The following KDM6B variants were observed in gnomAD, a reference collection of about 807,000 sequenced individuals.
KDM6B encodes lysine-specific demethylase 6B.
A neutral mutation model predicts 150.4 loss-of-function variants in KDM6B; 22 were observed. The ratio of observed to expected loss-of-function variants is 0.15; its 90% CI spans 0.10 to 0.21. The LOEUF (loss-of-function observed/expected upper bound fraction) is 0.21. Among genes scored for constraint, KDM6B ranks in the 10% least tolerant of loss-of-function variants. The pLI is 1.00. For synonymous variants in KDM6B, 1,148 were observed against 921.1 expected (o/e 1.25, Z -4.46); for missense variants, 1,984 against 2,234.3 (o/e 0.89, Z 2.26).
chr17:7,848,509 G>A lies in KDM6B; in HGVS notation c.2221G>A (p.Ala741Thr). The A allele has an allele frequency of 1.2e-6, 2 of 1,607,792 alleles. No individual in the cohort carries two copies. The highest frequency in any genetic ancestry group is 8.5e-7 in the Non-Finnish European group (1 of 1,179,038). The change falls in exon 12 of 24, where the codon GCC (alanine) becomes ACC (threonine). Residue 741 changes from alanine to threonine, a missense_variant. Around this residue, in one of 13 missense-constraint regions of KDM6B, gnomAD observed 1,379 missense variants for 1,275.6 expected, o/e 1.08. Coordinates refer to ENST00000448097, the MANE Select transcript of KDM6B (RefSeq NM_001348716.2). ...SLQSPFPTDT[A>T]PTTTAPAVAV... ...GCAGTCTCCTTTCCCCACCGACACA[G>A]CCCCCACCACTACTGCTCCTGCTGT...
intron 2 of KDM6B, among the ~76,000 whole-genome samples, chr17:7,842,312 A>C (rs762860528): frequency 6.6e-6 from 1 of 151,882 alleles, no homozygotes; most frequent in East Asian, 1.9e-4. Context: ...CCGGATGGAG[A>C]GGGTGTGGCC....
At chr17:7,837,275 T>G (rs1352395833) in intron 1 of KDM6B, among the ~76,000 whole-genome samples, 1 of 150,358 alleles carries the variant, frequency 6.7e-6, no homozygotes, top group Admixed American at 6.8e-5. Context: ...GACGGAAGAG[T>G]TGTGTGTAGT....
Position 7,854,789 on chromosome 17 carries a change from A to C in KDM6B, c.*1268A>C. On this transcript the variant is annotated 3_prime_UTR_variant, in exon 24 of 24. Transcript: ENST00000448097. Reference sequence around the variant, plus strand: ...ATATTAATATTAAAAATAAACGGAGAAAAAAAATCCTGTTTCGCTAACGGC... The same window carrying C: ...ATATTAATATTAAAAATAAACGGAGCAAAAAAATCCTGTTTCGCTAACGGC... 1 of 401,144 alleles carries C rather than the reference A, an allele frequency of 2.5e-6. No individual in the cohort carries two copies. The allele number at this position is 401,144 out of a possible 1,614,324, so 24.8% of individuals were successfully genotyped here.
At chr17:7,850,304 T>C in intron 14 of KDM6B, 127 bp downstream of exon 14, 1 of 736,462 alleles carries the variant, frequency 1.4e-6, no homozygotes, top group East Asian at 2.7e-5. Flanking sequence ...GTGATGGGTC[T>C]GCTGGCCTTG....
At chr17:7,840,857 T>G (rs1400217336) in intron 2 of KDM6B, among the ~76,000 whole-genome samples, 1 of 152,222 alleles carries the variant, frequency 6.6e-6, no homozygotes, top group Non-Finnish European at 1.5e-5. Context: ...TGAGATTTGC[T>G]GCACAGCCTC....
Position 7,846,101 on chromosome 17 carries a change from A to T in KDM6B, c.260A>T (p.His87Leu), listed in dbSNP as rs769728966. ...APGAPTPRPLHGKLESLHGCV... is the reference protein window; with the variant it reads ...APGAPTPRPLLGKLESLHGCV... ...AGGGCGCCCACTCCAAGACCCCTCC[A>T]TGGGAAGCTGGAATCCCTGCATGGC... The change falls in exon 7 of 24, where the codon CAT becomes CTT. Residue 87 changes from histidine to leucine, a missense_variant. Physicochemically the swap from His to Leu is moderately conservative, Grantham distance 99 (BLOSUM62 -3). This residue lies in a region of KDM6B where 337 missense variants were observed against 323.9 expected (regional missense o/e 1.04). Transcript: ENST00000448097. 3 of 1,311,600 alleles carry T rather than the reference A, an allele frequency of 2.3e-6. No individual in the cohort carries two copies. The highest frequency in any genetic ancestry group is 3.0e-6 in the Non-Finnish European group (3 of 1,006,512). 81.2% of individuals were successfully genotyped at this position (1,311,600 alleles called of 1,614,324 possible).
At chr17:7,851,822 A>AT in intron 18 of KDM6B, 26 bp downstream of exon 18, 1 of 1,558,306 alleles carries the variant, frequency 6.4e-7, no homozygotes, top group South Asian at 1.2e-5. Flanking sequence ...GTGCGCGCTG[A>AT]TGCTGGAAGC....
chr17:7,848,229 C>T lies in KDM6B; in HGVS notation c.1941C>T (p.Gly647=). The T allele has an allele frequency of 1.9e-6, 3 of 1,610,632 alleles. No individual in the cohort carries two copies. The highest frequency in any genetic ancestry group is 2.2e-5 in the East Asian group (1 of 44,794). ...TPEVGPGPPP[G]PLSKAPQPVP... ...AGGTGGGGCCGGGGCCACCCCCAGG[C>T]CCCCTGAGTAAAGCCCCCCAGCCTG... Residue 647 remains glycine, a synonymous_variant, in exon 12 of 24, where the codon GGC becomes GGT. Transcript: ENST00000448097.
rs1467112969 is a variant in KDM6B, at chr17:7,846,256, A to G, written c.415A>G (p.Ser139Gly). ...CCACAGCGCCCTTCGATACGGAGGA[A>G]GCTTCGCTGAGCTGGGGCCCCGCAT... Reference protein sequence around the residue: ...CYHSALRYGGSFAELGPRIGR... With the variant: ...CYHSALRYGGGFAELGPRIGR... The change falls in exon 7 of 24, where the codon AGC (serine) becomes GGC (glycine). Residue 139 changes from serine to glycine, a missense_variant. Ser to Gly is a moderately conservative substitution (Grantham distance 56). Around this residue, in one of 13 missense-constraint regions of KDM6B, gnomAD observed 337 missense variants for 323.9 expected, o/e 1.04. Coordinates refer to ENST00000448097, the MANE Select transcript of KDM6B (RefSeq NM_001348716.2). The G allele has an allele frequency of 6.2e-7, 1 of 1,613,754 alleles. No homozygotes were observed. The highest frequency in any genetic ancestry group is 8.5e-7 in the Non-Finnish European group (1 of 1,179,948).
rs931964059 is a variant in KDM6B, at chr17:7,853,757, C to A, written c.*236C>A. On this transcript the variant is annotated 3_prime_UTR_variant, in exon 24 of 24. Transcript: ENST00000448097. The stretch of plus-strand genomic sequence containing the variant: ...ACGGGGGAGGGGGCTGGCAGCCCCT[C>A]GCCCACCAGCGCCTCCCCTCACCGA... The A allele has an allele frequency of 3.2e-6, 1 of 309,622 alleles. No individual in the cohort carries two copies. Among genetic ancestry groups the A allele is most frequent in the Non-Finnish European group, 5.9e-6 (1 of 170,262 alleles). The allele number at this position is 309,622 out of a possible 1,614,324, so 19.2% of individuals were successfully genotyped here. A position where few individuals can be genotyped will look rare whatever the true frequency, so the allele number is the denominator to read the frequency against.
chr17:7,853,179 C>T (rs764722371), intron 22 of KDM6B, 31 bp from the exon 23 acceptor site: 2 of 1,613,866 alleles, frequency 1.2e-6, no homozygotes, highest in East Asian at 2.2e-5. Flanking sequence ...GGCCCTCCCT[C>T]CCCCTGACTG....
Position 7,846,384 on chromosome 17 carries a change from G to GGGCCCCCCCCC in KDM6B, c.457-16_457-15insGGCCCCCCCCC. The GGGCCCCCCCCC allele has an allele frequency of 6.6e-7, 1 of 1,525,298 alleles. No homozygotes were observed. The highest frequency in any genetic ancestry group is 8.9e-7 in the Non-Finnish European group (1 of 1,125,192). 94.5% of individuals were successfully genotyped at this position (1,525,298 alleles called of 1,614,324 possible). ...CACCTGACATCTGCCCCTGCCCCGTGTCCCCCCACCCCCAGGCCCAGCTCT... is the reference window on the plus strand; with the variant it reads ...CACCTGACATCTGCCCCTGCCCCGTGGGCCCCCCCCCTCCCCCCACCCCCAGGCCCAGCTCT... On this transcript the variant is annotated splice_polypyrimidine_tract_variant and intron_variant, in intron 7 of 23. Coordinates refer to ENST00000448097, the MANE Select transcript of KDM6B (RefSeq NM_001348716.2).
In KDM6B at chr17:7,843,754, CCGATCCCGGGAGCCGAG is replaced by C. The variant is rs2078467297; in HGVS notation, c.-268-1146_-268-1130del. Among the ~76,000 whole-genome samples the C allele has an allele frequency of 6.6e-6, 1 of 152,086 alleles. No individual in the cohort carries two copies. Among genetic ancestry groups the C allele is most frequent in the South Asian group, 2.1e-4 (1 of 4,836 alleles). On this transcript the variant is annotated intron_variant, in intron 2 of 23. Transcript: ENST00000448097. This position sits in a 1 kb window ranked among gnomAD's most constrained non-coding sequence, Gnocchi z 4.5. ...CTTTGTACTCTAGACTCTCAATGGA[CCGATCCCGGGAGCCGAG>C]TCGGCTCCCTACCTGCGGGGACGCC...
At chr17:7,841,628 G>C (rs2078415530) in intron 2 of KDM6B, among the ~76,000 whole-genome samples, 1 of 152,220 alleles carries the variant, frequency 6.6e-6, no homozygotes, top group Non-Finnish European at 1.5e-5. Context: ...GACAAGATGA[G>C]CAGATATGCA....
In KDM6B at chr17:7,846,282, TG is replaced by T; in HGVS notation, c.443del (p.Gly148AlafsTer50). On this transcript the variant is annotated frameshift_variant, in exon 7 of 24. Coordinates refer to ENST00000448097, the MANE Select transcript of KDM6B (RefSeq NM_001348716.2). LOFTEE classifies it high-confidence loss of function. ...GCTTCGCTGAGCTGGGGCCCCGCAT[TG>T]GCCGACTGCAGCAGGTAGGAGAAGG... ...GSFAELGPRIGRLQQAQLWNF... is the reference protein window; with the variant it reads ...GSFAELGPRIXRLQQAQLWNF... 6.2e-7 allele frequency: 1 copy of T among 1,613,322 alleles called. No homozygotes were observed. The highest frequency in any genetic ancestry group is 8.5e-7 in the Non-Finnish European group (1 of 1,179,680).
Position 7,846,165 on chromosome 17 carries a change from G to A in KDM6B, c.324G>A (p.Gly108=). The A allele has an allele frequency of 6.2e-7, 1 of 1,614,100 alleles. No individual in the cohort carries two copies. Among genetic ancestry groups the A allele is most frequent in the Non-Finnish European group, 8.5e-7 (1 of 1,180,008 alleles). The change falls in exon 7 of 24, where the codon GGG becomes GGA. Residue 108 remains glycine (G), a synonymous_variant. Transcript: ENST00000448097. ...QALLREPAQP[G]LWEQLGQLYE... Reference sequence around the variant, plus strand: ...TGCTCCGGGAGCCAGCCCAGCCAGGGCTTTGGGAACAGCTTGGGCAACTGT... The same window carrying A: ...TGCTCCGGGAGCCAGCCCAGCCAGGACTTTGGGAACAGCTTGGGCAACTGT...
chr17:7,850,803 G>A (rs8075929), intron 14 of KDM6B, among the ~76,000 whole-genome samples: 14,324 of 152,294 alleles, frequency 0.094, 1,545 homozygotes, highest in African/African-American at 0.26. Context: ...TCCTTGAGCA[G>A]CTGCAGGAGA....
Position 7,853,298 on chromosome 17 carries a change from G to A in KDM6B, c.4826G>A (p.Arg1609His). 6.2e-7 allele frequency: 1 copy of A among 1,602,264 alleles called. No individual in the cohort carries two copies. Among genetic ancestry groups the A allele is most frequent in the Non-Finnish European group, 8.5e-7 (1 of 1,175,314 alleles). The change falls in exon 23 of 24, where the codon CGC (arginine) becomes CAC (histidine). Residue 1609 changes from arginine (R) to histidine (H), a missense_variant. Coordinates refer to ENST00000448097, the MANE Select transcript of KDM6B (RefSeq NM_001348716.2). ...CACTGCGAGGGCTGTGCCCGGCGCC[G>A]CAGCGCAGGCCTGCAGGGCGTGGTG... ...LVHCEGCARR[R>H]SAGLQGVVVL...
In KDM6B at chr17:7,849,116, A is replaced by G. The variant is rs1189027108; in HGVS notation, c.2828A>G (p.Glu943Gly). The G allele has an allele frequency of 1.2e-6, 2 of 1,612,376 alleles. No individual in the cohort carries two copies. The highest frequency in any genetic ancestry group is 1.7e-6 in the Non-Finnish European group (2 of 1,179,908). The change falls in exon 12 of 24, where the codon GAG becomes GGG. Residue 943 changes from glutamate (E) to glycine (G), a missense_variant. By Grantham distance (98) the Glu-to-Gly change is moderately conservative (BLOSUM62 -2). Transcript: ENST00000448097. ...CCAGCCGACCCAGTGGACACAGCAGAGCCAGCGGACAGTGGGACTGAGCGA... is the reference window on the plus strand; with the variant it reads ...CCAGCCGACCCAGTGGACACAGCAGGGCCAGCGGACAGTGGGACTGAGCGA... ...TDPADPVDTA[E>G]PADSGTERLL...
Sources: gnomAD v4.1 joint callset for allele counts (sites outside exome capture counted in the v4.1 genomes callset) on GRCh38, gnomAD v4.1.1 for gene constraint, gnomAD v4.1.1 regional missense constraint, Gnocchi (gnomAD v3.1) non-coding constraint, MANE v1.5 for transcripts, NCBI Gene and HGNC (gene_info 2026-07-23, HGNC 2026-07-21) for gene names.